The following DLG2 variants were observed in gnomAD, a reference collection of about 807,000 sequenced individuals.
DLG2 encodes discs large MAGUK scaffold protein 2.
DLG2 carries 45 observed loss-of-function variants against 132.5 expected under a neutral mutation model. That is an observed-to-expected ratio of 0.34 (90% CI 0.27 to 0.44). The LOEUF (loss-of-function observed/expected upper bound fraction) is 0.44, where lower values mean the gene tolerates loss of function less well. Ranked by LOEUF, DLG2 falls within the 20% of genes least tolerant of loss-of-function variation. DLG2 has a pLI of 1.00. For synonymous variants in DLG2, 424 were observed against 419.6 expected (o/e 1.01, Z -0.13); for missense variants, 1,045 against 1,196.9 (o/e 0.87, Z 1.87).
At chr11:83,902,938 G>A (rs1292387636) in intron 15 of DLG2, among the ~76,000 whole-genome samples, 1 of 152,126 alleles carries the variant, frequency 6.6e-6, no homozygotes, top group Non-Finnish European at 1.5e-5. Flanking sequence ...TACGTTCTCA[G>A]TCAGGATAAT....
intron 8 of DLG2, among the ~76,000 whole-genome samples, chr11:84,208,126 A>C (rs2096699434): frequency 6.6e-6 from 1 of 152,144 alleles, no homozygotes; most frequent in African/African-American, 2.4e-5. Flanking sequence ...TTTCATGTAT[A>C]CATTAGTATT....
intron 18 of DLG2, chr11:83,786,298 T>C (rs2153886587): frequency 5.9e-6 from 1 of 168,720 alleles, no homozygotes; most frequent in Admixed American, 5.7e-5. Context: ...ATTAAGTTAA[T>C]GCCATGAGGA....
intron 6 of DLG2, among the ~76,000 whole-genome samples, chr11:84,840,058 C>T (rs901752504): frequency 1.3e-5 from 2 of 152,038 alleles, no homozygotes; most frequent in African/African-American, 4.8e-5. Context: ...AGGCAACCTA[C>T]AGAATGGGAG....
intron 7 of DLG2, among the ~76,000 whole-genome samples, chr11:84,324,704 C>A (rs2098422070): frequency 6.6e-6 from 1 of 152,054 alleles, no homozygotes; most frequent in Non-Finnish European, 1.5e-5. Flanking sequence ...TTCCTTTCAG[C>A]AATATTTGGT....
chr11:83,567,570 C>T (rs903054921), intron 19 of DLG2, among the ~76,000 whole-genome samples: 5 of 152,110 alleles, frequency 3.3e-5, no homozygotes, highest in Non-Finnish European at 5.9e-5. Context: ...GTAAGTAAGG[C>T]AGAGTCTAGT....
chr11:83,908,009 A>G (rs180723133), intron 15 of DLG2, among the ~76,000 whole-genome samples: 9 of 152,278 alleles, frequency 5.9e-5, no homozygotes, highest in Admixed American at 4.6e-4. Flanking sequence ...TATTATAATC[A>G]TCATTTTATA....
chr11:85,283,649 G>C (rs2078375149), intron 4 of DLG2, among the ~76,000 whole-genome samples: 1 of 151,780 alleles, frequency 6.6e-6, no homozygotes, highest in Non-Finnish European at 1.5e-5. Flanking sequence ...AATCATGATA[G>C]TGAACACGTA....
rs531862549 is a variant in DLG2 at position 84,366,116 on chromosome 11, C to T, written c.520-114825G>A. ...CCCATCAGACTAACAGCGGATCTCT[C>T]GGCAGAAACTCTACAAGCCAGAAGA... On this transcript the variant is annotated intron_variant, in intron 7 of 27. Coordinates refer to ENST00000376104, the MANE Select transcript of DLG2 (RefSeq NM_001142699.3). 4.2e-3 allele frequency among the ~76,000 whole-genome samples: 637 copies of T among 152,102 alleles called. 5 individuals carry two copies. Among genetic ancestry groups the T allele is most frequent in the African/African-American group, 0.014 (589 of 41,502 alleles).
chr11:83,636,319 T>C (rs1364556135), intron 18 of DLG2, among the ~76,000 whole-genome samples: 1 of 152,158 alleles, frequency 6.6e-6, no homozygotes, highest in Non-Finnish European at 1.5e-5. Context: ...TTCCTTTTCC[T>C]AACATAGTGT....
At position 84,533,268 on chromosome 11, in the gene DLG2, T is replaced by C. The variant is rs1026297079; in HGVS notation, c.519+1302A>G. ...GCTTCTGCCTTCCGCATGACATCGA[T>C]GTCGTGTTTTTCAGATGACAGCTCT... On this transcript the variant is annotated intron_variant, in intron 7 of 27. Coordinates refer to ENST00000376104, the MANE Select transcript of DLG2 (RefSeq NM_001142699.3). Among the ~76,000 whole-genome samples, 9 of 152,192 alleles carry C rather than the reference T, an allele frequency of 5.9e-5. No individual in the cohort carries two copies. The East Asian group carries it at 1.5e-3, about 26-fold the overall frequency.
intron 18 of DLG2, among the ~76,000 whole-genome samples, chr11:83,697,460 C>A (rs968420619): frequency 6.6e-6 from 1 of 152,202 alleles, no homozygotes; most frequent in African/African-American, 2.4e-5. Flanking sequence ...TCTTGGGAAG[C>A]AGATGGTACC....
intron 6 of DLG2, among the ~76,000 whole-genome samples, chr11:85,102,126 C>A (rs904707789): frequency 2.0e-5 from 3 of 151,992 alleles, no homozygotes; most frequent in Admixed American, 6.6e-5. Context: ...CTTCTAAATT[C>A]ATCATTTTTA....
chr11:84,442,669 C>G (rs558514661), intron 7 of DLG2, among the ~76,000 whole-genome samples: 1 of 151,068 alleles, frequency 6.6e-6, no homozygotes, highest in African/African-American at 2.5e-5. Flanking sequence ...CTTGCACATT[C>G]TGCACATGTA....
At chr11:85,354,003 T>C (rs1363694380) in intron 3 of DLG2, among the ~76,000 whole-genome samples, 5 of 150,498 alleles carry the variant, frequency 3.3e-5, no homozygotes, top group South Asian at 2.1e-4. Context: ...AAAAAAGAAA[T>C]TCCTTAATAA....
intron 17 of DLG2, among the ~76,000 whole-genome samples, chr11:83,833,268 T>C (rs553620646): frequency 6.6e-6 from 1 of 152,234 alleles, no homozygotes; most frequent in East Asian, 1.9e-4. Context: ...CGAAACCCTG[T>C]CTTTACTTAA....
chr11:84,081,874 G>C (rs1053147993), intron 10 of DLG2, among the ~76,000 whole-genome samples: 3 of 152,166 alleles, frequency 2.0e-5, no homozygotes, highest in African/African-American at 7.2e-5. Context: ...TCTAGTTCTA[G>C]TTCCCTGAGG....
intron 6 of DLG2, among the ~76,000 whole-genome samples, chr11:84,807,237 G>A (rs150637740): frequency 2.1e-3 from 324 of 152,304 alleles, no homozygotes; most frequent in African/African-American, 7.4e-3. Flanking sequence ...CCTGAGGTCA[G>A]GACTTTGAGA....
At chr11:83,775,573 C>T (rs879092531) in intron 18 of DLG2, among the ~76,000 whole-genome samples, 2 of 152,258 alleles carry the variant, frequency 1.3e-5, no homozygotes, top group East Asian at 1.9e-4. Context: ...TTCATACATG[C>T]GAGTTTTAAT....
intron 4 of DLG2, among the ~76,000 whole-genome samples, chr11:85,204,493 C>G (rs1343881104): frequency 1.3e-5 from 2 of 152,048 alleles, no homozygotes; most frequent in African/African-American, 2.4e-5. Context: ...TGAAAGATCT[C>G]TTCAATGACA....
Sources: allele counts gnomAD v4.1 joint callset (sites outside exome capture counted in the v4.1 genomes callset), GRCh38; gene constraint gnomAD v4.1.1; transcripts MANE v1.5; gene names NCBI Gene and HGNC (gene_info 2026-07-23, HGNC 2026-07-21).